The following FOXP1 variants were observed in gnomAD, a reference collection of about 807,000 sequenced individuals.
FOXP1 encodes forkhead box protein P1.
A neutral mutation model predicts 98.2 loss-of-function variants in FOXP1; 15 were observed. The ratio of observed to expected loss-of-function variants is 0.15; its 90% CI spans 0.10 to 0.24. FOXP1 has a LOEUF of 0.24. Among genes scored for constraint, FOXP1 ranks in the 10% least tolerant of loss-of-function variants. The pLI is 1.00. For synonymous variants in FOXP1, 371 were observed against 314.5 expected, an observed-to-expected ratio of 1.18 and a Z score of -1.90; for missense variants, 633 against 848.5, an observed-to-expected ratio of 0.75 and a Z score of 3.15.
At chr3:71,298,320 C>A (rs183440220) in intron 5 of FOXP1, among the ~76,000 whole-genome samples, 1 of 151,998 alleles carries the variant, frequency 6.6e-6, no homozygotes, top group Non-Finnish European at 1.5e-5. Context: ...CAAAAATTAG[C>A]TGGGTATGAT....
chr3:71,391,250 C>A (rs879905255), intron 3 of FOXP1, among the ~76,000 whole-genome samples: 2 of 152,164 alleles, frequency 1.3e-5, no homozygotes, highest in African/African-American at 4.8e-5. Flanking sequence ...ATTTAGAAAT[C>A]TTTTTCTTAC....
chr3:71,396,905 CAT>C (rs1281127214), intron 3 of FOXP1, among the ~76,000 whole-genome samples: 1 of 91,346 alleles, frequency 1.1e-5, no homozygotes, highest in Non-Finnish European at 2.3e-5. Flanking sequence ...TCATAAGGAA[CAT>C]ATATATGTGT....
rs1553871310 is a variant in FOXP1, at chr3:71,396,933, T to TAC, written c.-167-37691_-167-37690dup. Among the ~76,000 whole-genome samples the TAC allele has an allele frequency of 2.7e-3, 121 of 44,588 alleles. 11 individuals are homozygous for TAC. The highest frequency in any genetic ancestry group is 8.6e-3 in the African/African-American group (92 of 10,748). The allele number at this position is 44,588 out of a possible 152,430, so 29.3% of individuals were successfully genotyped here. On this transcript the variant is annotated intron_variant, in intron 3 of 20. Transcript: ENST00000649528. ...ATATATGTGTGTATATATATATATA[T>TAC]ACACATATATATATGTGTATATATA...
intron 5 of FOXP1, among the ~76,000 whole-genome samples, chr3:71,274,276 T>A (rs561627199): frequency 5.9e-5 from 9 of 152,264 alleles, no homozygotes; most frequent in Non-Finnish European, 1.2e-4. Context: ...TACAGATAAA[T>A]GAAAGGCAAC....
chr3:71,537,573 C>A (rs781359533), intron 2 of FOXP1, among the ~76,000 whole-genome samples: 1 of 152,154 alleles, frequency 6.6e-6, no homozygotes, highest in African/African-American at 2.4e-5. Flanking sequence ...GACAGAAAGA[C>A]GGTGTTTTTT....
At chr3:71,509,045 C>A (rs990556896) in intron 2 of FOXP1, among the ~76,000 whole-genome samples, 1 of 152,226 alleles carries the variant, frequency 6.6e-6, no homozygotes, top group South Asian at 2.1e-4. Context: ...TGATACAGCT[C>A]CACTCTCCGT....
chr3:70,975,840 T>A (rs2037381316), intron 17 of FOXP1, among the ~76,000 whole-genome samples: 1 of 152,146 alleles, frequency 6.6e-6, no homozygotes, highest in African/African-American at 2.4e-5. Flanking sequence ...GGGATCAATC[T>A]AATATAAGGG....
At chr3:71,524,426 A>T (rs1184949302) in intron 2 of FOXP1, among the ~76,000 whole-genome samples, 1 of 152,084 alleles carries the variant, frequency 6.6e-6, no homozygotes, top group African/African-American at 2.4e-5. Flanking sequence ...CCAAAAACTC[A>T]ATCAAGTTTT....
chr3:71,317,244 C>T (rs2075132114), intron 4 of FOXP1, among the ~76,000 whole-genome samples: 1 of 152,168 alleles, frequency 6.6e-6, no homozygotes, highest in Non-Finnish European at 1.5e-5. Context: ...ATTATTATTT[C>T]CTTCAACCCC....
intron 4 of FOXP1, among the ~76,000 whole-genome samples, chr3:71,353,743 G>A (rs1310902375): frequency 1.3e-5 from 2 of 152,166 alleles, no homozygotes; most frequent in Non-Finnish European, 2.9e-5. Flanking sequence ...AGAAAGTCAT[G>A]TGATACAGAG....
rs2108379684 is a variant in FOXP1 at position 71,198,189 on chromosome 3, C to A, written c.180+13G>T. On this transcript the variant is annotated intron_variant, in intron 6 of 20. Transcript: ENST00000649528. ...CCACCACCTCCACCTCCCAAGACTC[C>A]AAAGCCCAGTACCTGTTGCTGCTGC... is the stretch of plus-strand genomic sequence containing the variant. 1 of 1,614,078 alleles carries A rather than the reference C, an allele frequency of 6.2e-7. No homozygotes were observed. Among genetic ancestry groups the A allele is most frequent in the Non-Finnish European group, 8.5e-7 (1 of 1,180,036 alleles).
intron 7 of FOXP1, among the ~76,000 whole-genome samples, chr3:71,107,066 G>A (rs545937768): frequency 1.3e-5 from 2 of 152,226 alleles, no homozygotes; most frequent in African/African-American, 4.8e-5. Flanking sequence ...ACTGTACCTG[G>A]GGATACCTTC....
intron 7 of FOXP1, among the ~76,000 whole-genome samples, chr3:71,074,568 G>A (rs1040186983): frequency 1.8e-4 from 27 of 152,034 alleles, no homozygotes; most frequent in African/African-American, 5.6e-4. Flanking sequence ...CCGGTCAGTG[G>A]GGTGTTGAGA....
intron 4 of FOXP1, among the ~76,000 whole-genome samples, chr3:71,326,189 T>G (rs2075680930): frequency 6.6e-6 from 1 of 152,180 alleles, no homozygotes; most frequent in Non-Finnish European, 1.5e-5. Flanking sequence ...GCCATTACCC[T>G]CTTCTTCAAA....
At chr3:71,387,033 G>A (rs193277731) in intron 3 of FOXP1, among the ~76,000 whole-genome samples, 104 of 152,218 alleles carry the variant, frequency 6.8e-4, no homozygotes, top group Admixed American at 3.9e-3. Context: ...TGAGCACCAA[G>A]ATTTTTAGAC....
chr3:71,121,043 C>CTTT (rs35487973), intron 6 of FOXP1, among the ~76,000 whole-genome samples: 8 of 144,514 alleles, frequency 5.5e-5, no homozygotes, highest in African/African-American at 2.0e-4. Flanking sequence ...TTCTTTCTTT[C>CTTT]TTTTTTTTTT....
chr3:71,042,622 T>C (rs890710151), intron 10 of FOXP1, among the ~76,000 whole-genome samples: 3 of 152,192 alleles, frequency 2.0e-5, no homozygotes, highest in Non-Finnish European at 4.4e-5. Context: ...ACGTCTGGAT[T>C]GCAGTTCATT....
At chr3:71,375,966 A>G (rs1456030464) in intron 3 of FOXP1, among the ~76,000 whole-genome samples, 1 of 152,146 alleles carries the variant, frequency 6.6e-6, no homozygotes, top group Admixed American at 6.5e-5. Flanking sequence ...AAGGAACATG[A>G]TTTGGGGTTC....
At chr3:71,212,400 C>CA (rs2064552215) in intron 5 of FOXP1, among the ~76,000 whole-genome samples, 1 of 152,206 alleles carries the variant, frequency 6.6e-6, no homozygotes, top group South Asian at 2.1e-4. Context: ...TGAGGGGCTA[C>CA]ATGGACACTT....
Sources: gnomAD v4.1 joint callset for allele counts (sites outside exome capture counted in the v4.1 genomes callset) on GRCh38, gnomAD v4.1.1 for gene constraint, MANE v1.5 for transcripts, NCBI Gene and HGNC (gene_info 2026-07-23, HGNC 2026-07-21) for gene names.